GRM8: variants seen among roughly 807,000 people sequenced by gnomAD.
The protein encoded by GRM8 is metabotropic glutamate receptor 8.
A neutral mutation model predicts 87.2 loss-of-function variants in GRM8; 47 were observed. The observed-to-expected ratio is 0.54, with a 90% CI of 0.43 to 0.69. GRM8 has a LOEUF of 0.69. Among genes scored for constraint, GRM8 ranks in the 30% least tolerant of loss-of-function variants. GRM8 has a pLI of 0.00. For synonymous variants in GRM8, 396 were observed against 404.5 expected (o/e 0.98, Z 0.25); for missense variants, 1,019 against 1,139.2 (o/e 0.89, Z 1.52).
intron 7 of GRM8, among the ~76,000 whole-genome samples, chr7:126,628,338 C>A (rs1800899114): frequency 6.6e-6 from 1 of 152,214 alleles, no homozygotes; most frequent in African/African-American, 2.4e-5. Context: ...AGCCACTGTG[C>A]CCAGCCTAGT....
chr7:127,201,790 AC>A (rs1160044360), intron 2 of GRM8, among the ~76,000 whole-genome samples: 2 of 152,196 alleles, frequency 1.3e-5, no homozygotes, highest in African/African-American at 4.8e-5. Context: ...AAATGACTCC[AC>A]CATTCTGTGG....
chr7:126,625,470 C>A (rs2151155551), intron 7 of GRM8, among the ~76,000 whole-genome samples: 1 of 151,684 alleles, frequency 6.6e-6, no homozygotes, highest in East Asian at 1.9e-4. Context: ...AGTTGAATAG[C>A]ATTTCTAATT....
intron 6 of GRM8, among the ~76,000 whole-genome samples, chr7:126,882,973 T>C (rs1325537040): frequency 1.3e-5 from 2 of 152,196 alleles, no homozygotes; most frequent in African/African-American, 4.8e-5. Flanking sequence ...TTGATCAAAA[T>C]AGAACTAAAG....
At chr7:126,444,470 A>G (rs1801795167) in intron 10 of GRM8, among the ~76,000 whole-genome samples, 1 of 152,064 alleles carries the variant, frequency 6.6e-6, no homozygotes, top group South Asian at 2.1e-4. Flanking sequence ...GTGTTTGTGA[A>G]ATTCTTGTAA....
chr7:127,227,798 G>A (rs1363675659), intron 2 of GRM8, among the ~76,000 whole-genome samples: 1 of 152,178 alleles, frequency 6.6e-6, no homozygotes, highest in Non-Finnish European at 1.5e-5. Flanking sequence ...GGAACACAAC[G>A]TTTCTGGAAG....
intron 3 of GRM8, among the ~76,000 whole-genome samples, chr7:126,982,467 G>T (rs1230102410): frequency 1.3e-5 from 2 of 152,058 alleles, no homozygotes; most frequent in African/African-American, 4.8e-5. Flanking sequence ...TTCAAATAAA[G>T]ACAATAATGA....
rs534900017 is a variant in GRM8 at position 126,997,552 on chromosome 7, A to G, written c.728-92869T>C. On this transcript the variant is annotated intron_variant, in intron 3 of 10. Transcript: ENST00000339582. ...AAACCTTTAGCCAGACTAAGAAAAA[A>G]AAAAAAAGAGACGATCCAAACAAAT... 4.6e-5 allele frequency among the ~76,000 whole-genome samples: 7 copies of G among 151,538 alleles called. No homozygotes were observed. The East Asian group carries it at 1.4e-3, about 29-fold the overall frequency.
chr7:126,731,484 T>C (rs1439156511), intron 7 of GRM8, among the ~76,000 whole-genome samples: 3 of 152,244 alleles, frequency 2.0e-5, no homozygotes, highest in Non-Finnish European at 2.9e-5. Flanking sequence ...TGGCCGAATA[T>C]TCCCAATGGT....
intron 8 of GRM8, among the ~76,000 whole-genome samples, chr7:126,539,259 A>G (rs1816248528): frequency 6.6e-6 from 1 of 152,068 alleles, no homozygotes; most frequent in Non-Finnish European, 1.5e-5. Flanking sequence ...AGGAAAAACT[A>G]CAAAACATCA....
chr7:127,165,766 ACT>A (rs1306326650), intron 2 of GRM8, among the ~76,000 whole-genome samples: 1 of 152,128 alleles, frequency 6.6e-6, no homozygotes, highest in African/African-American at 2.4e-5. Context: ...TATCAGAGTC[ACT>A]GTCACTGAAT....
chr7:126,605,536 T>A (rs1798263235), intron 8 of GRM8, among the ~76,000 whole-genome samples: 1 of 152,182 alleles, frequency 6.6e-6, no homozygotes, highest in African/African-American at 2.4e-5. Context: ...TTCAATCCAC[T>A]AAGAGATATT....
intron 8 of GRM8, among the ~76,000 whole-genome samples, chr7:126,592,814 G>T (rs1008451352): frequency 2.6e-5 from 4 of 151,762 alleles, no homozygotes; most frequent in Non-Finnish European, 5.9e-5. Context: ...CAAAGCAATA[G>T]GCAAGAGAAA....
intron 2 of GRM8, among the ~76,000 whole-genome samples, chr7:127,127,317 A>C (rs981524396): frequency 6.6e-6 from 1 of 152,078 alleles, no homozygotes; most frequent in Admixed American, 6.6e-5. Context: ...ACATATGTTC[A>C]TACAAAGACT....
chr7:126,980,136 T>C (rs1189855168), intron 3 of GRM8, among the ~76,000 whole-genome samples: 2 of 152,220 alleles, frequency 1.3e-5, no homozygotes, highest in Non-Finnish European at 2.9e-5. Flanking sequence ...GCAGACTTTA[T>C]CTCCCACTTA....
intron 3 of GRM8, among the ~76,000 whole-genome samples, chr7:126,910,908 C>T (rs1395789010): frequency 6.6e-6 from 1 of 152,122 alleles, no homozygotes; most frequent in African/African-American, 2.4e-5. Context: ...AGTGGCCCCA[C>T]ATAATCTTGA....
At chr7:126,959,665 T>G (rs947617861) in intron 3 of GRM8, among the ~76,000 whole-genome samples, 1 of 152,190 alleles carries the variant, frequency 6.6e-6, no homozygotes, top group Non-Finnish European at 1.5e-5. Flanking sequence ...TACTTAATTA[T>G]TTGCACACAT....
chr7:126,492,822 G>A (rs1808186060), intron 9 of GRM8, among the ~76,000 whole-genome samples: 1 of 151,958 alleles, frequency 6.6e-6, no homozygotes, highest in Non-Finnish European at 1.5e-5. Context: ...CCTTGGCAGA[G>A]GTGATAGACA....
chr7:126,575,918 A>G (rs1243899422), intron 8 of GRM8, among the ~76,000 whole-genome samples: 1 of 151,926 alleles, frequency 6.6e-6, no homozygotes, highest in Non-Finnish European at 1.5e-5. Flanking sequence ...GCTCTCATCC[A>G]CTCTTCTCCC....
chr7:126,916,841 G>A (rs961543459), intron 3 of GRM8, among the ~76,000 whole-genome samples: 8 of 152,118 alleles, frequency 5.3e-5, no homozygotes, highest in African/African-American at 1.9e-4. Flanking sequence ...ACAAACATCA[G>A]CACCCAAAGC....
Sources: gnomAD v4.1 joint callset for allele counts (sites outside exome capture counted in the v4.1 genomes callset) on GRCh38, gnomAD v4.1.1 for gene constraint, MANE v1.5 for transcripts, NCBI Gene and HGNC (gene_info 2026-07-23, HGNC 2026-07-21) for gene names.